Variants in POLE4 observed in about 807,000 individuals in gnomAD.
POLE4 encodes DNA polymerase epsilon 4, accessory subunit.
In POLE4, 15 loss-of-function variants were observed where a neutral mutation model predicts 15.6. That is an observed-to-expected ratio of 0.96 (90% CI 0.64 to 1.48). POLE4 has a LOEUF of 1.48. Ranked by LOEUF, POLE4 falls within the 40% of genes most tolerant of loss-of-function variation. The probability of loss-of-function intolerance (pLI) is 0.00; values close to 1 mark genes in which losing one functional copy is unlikely to be tolerated. For missense variants in POLE4, 205 were observed against 151.9 expected (o/e 1.35, Z -1.84); for synonymous variants, 83 against 63.2 (o/e 1.31, Z -1.49).
intron 3 of POLE4, 23 bp from the exon 4 acceptor site, chr2:74,969,386 C>A: frequency 6.2e-7 from 1 of 1,612,680 alleles, no homozygotes; most frequent in Non-Finnish European, 8.5e-7. Flanking sequence ...CCCTGATATA[C>A]TCATTGCTCT....
At position 74,958,754 on chromosome 2, in the gene POLE4, G is replaced by A. The variant is rs1218150080; in HGVS notation, c.75G>A (p.Ser25=). ...EEGPAGEAAA[S]QPQAPTSVPG... is the part of the protein sequence containing the mutation. ...GACCTGCTGGGGAGGCAGCGGCCTC[G>A]CAGCCCCAGGCCCCAACGAGTGTGC... Residue 25 remains serine, a synonymous_variant, in exon 1 of 4, where the codon TCG becomes TCA. Transcript: ENST00000483063. The A allele has an allele frequency of 1.3e-6, 2 of 1,528,684 alleles. No individual in the cohort carries two copies. The highest frequency in any genetic ancestry group is 1.8e-6 in the Non-Finnish European group (2 of 1,137,982). 94.7% of individuals were successfully genotyped at this position (1,528,684 alleles called of 1,614,324 possible). A position where few individuals can be genotyped will look rare whatever the true frequency, so the allele number is the denominator to read the frequency against.
At chr2:74,962,281 A>G (rs1351677423) in intron 3 of POLE4, among the ~76,000 whole-genome samples, 1 of 152,088 alleles carries the variant, frequency 6.6e-6, no homozygotes, top group African/African-American at 2.4e-5. Context: ...TTGACTCCCC[A>G]GTTTGTAAAG....
intron 3 of POLE4, among the ~76,000 whole-genome samples, chr2:74,963,235 T>G (rs1176992506): frequency 6.6e-6 from 1 of 152,230 alleles, no homozygotes; most frequent in Non-Finnish European, 1.5e-5. Context: ...TTCACGTTCC[T>G]ACCAGCAGTG....
intron 2 of POLE4, chr2:74,959,677 C>G (rs1671187318): frequency 2.3e-6 from 1 of 436,020 alleles, no homozygotes; most frequent in South Asian, 4.2e-5. Flanking sequence ...CCAAATTGCA[C>G]CAGAAAAAGA....
At chr2:74,968,682 G>A (rs1034792614) in intron 3 of POLE4, among the ~76,000 whole-genome samples, 10 of 150,512 alleles carry the variant, frequency 6.6e-5, no homozygotes, top group African/African-American at 2.5e-4. Flanking sequence ...TGTCCTGCCT[G>A]TGGGGAGGGT....
At chr2:74,959,479 C>A in intron 2 of POLE4, 54 bp downstream of exon 2, 1 of 1,175,498 alleles carries the variant, frequency 8.5e-7, no homozygotes, top group Non-Finnish European at 1.3e-6. Context: ...GGGCTGGTTT[C>A]CCCTTGTGCA....
At chr2:74,968,705 G>A (rs1412595793) in intron 3 of POLE4, among the ~76,000 whole-genome samples, 1 of 151,258 alleles carries the variant, frequency 6.6e-6, no homozygotes, top group Admixed American at 6.6e-5. Context: ...TGGGGAGATA[G>A]GGGCAACTGT....
intron 3 of POLE4, among the ~76,000 whole-genome samples, chr2:74,964,705 T>G (rs533424490): frequency 1.3e-5 from 2 of 152,292 alleles, no homozygotes; most frequent in East Asian, 3.9e-4. Flanking sequence ...TTAAAAATTT[T>G]GTTTTGATGT....
intron 3 of POLE4, among the ~76,000 whole-genome samples, chr2:74,961,937 A>G (rs1395003535): frequency 1.3e-5 from 2 of 152,182 alleles, no homozygotes; most frequent in Admixed American, 1.3e-4. Context: ...TTTATAATAC[A>G]TATCCATACT....
intron 3 of POLE4, among the ~76,000 whole-genome samples, chr2:74,963,653 A>G (rs904155293): frequency 6.6e-6 from 1 of 151,768 alleles, no homozygotes; most frequent in Admixed American, 6.6e-5. Context: ...ACGCCTGGCT[A>G]ATTTTGGCAT....
chr2:74,966,592 A>G (rs1671299538), intron 3 of POLE4, among the ~76,000 whole-genome samples: 1 of 152,174 alleles, frequency 6.6e-6, no homozygotes, highest in East Asian at 1.9e-4. Context: ...TTTAGTAGAG[A>G]TGGGGTTTCA....
chr2:74,959,998 C>T, intron 2 of POLE4, 107 bp from the exon 3 acceptor site: 1 of 827,738 alleles, frequency 1.2e-6, no homozygotes, highest in Non-Finnish European at 2.1e-6. Flanking sequence ...CTTATAAATG[C>T]CCTCATTTGC....
rs1671173117 is a variant in POLE4, at chr2:74,959,066, C to T, written c.213+174C>T. 4.7e-6 allele frequency: 3 copies of T among 634,444 alleles called. No individual in the cohort carries two copies. The South Asian group carries it at 5.8e-5, about 12-fold the overall frequency. 39.3% of individuals were successfully genotyped at this position (634,444 alleles called of 1,614,324 possible). On this transcript the variant is annotated intron_variant, in intron 1 of 3. Transcript: ENST00000483063. ...GACCTGTGCGAGTTTTGTTAACACT[C>T]CTCCCTCTTGTTGAGGACCTGGATA...
Position 74,958,816 on chromosome 2 carries a change from T to C in POLE4, c.137T>C (p.Val46Ala). ...ARLSRLPLAR[V>A]KALVKADPDV... Reference sequence around the variant, plus strand: ...CTCTCGAGGTTGCCTCTGGCGCGAGTGAAGGCCTTGGTGAAGGCAGATCCC... The same window carrying C: ...CTCTCGAGGTTGCCTCTGGCGCGAGCGAAGGCCTTGGTGAAGGCAGATCCC... Residue 46 changes from valine (V) to alanine (A), a missense_variant, in exon 1 of 4, where the codon GTG (valine) becomes GCG (alanine). By Grantham distance (64) the Val-to-Ala change is moderately conservative (BLOSUM62 0). Transcript: ENST00000483063. The C allele has an allele frequency of 6.4e-7, 1 of 1,556,294 alleles. No individual in the cohort carries two copies. The highest frequency in any genetic ancestry group is 8.7e-7 in the Non-Finnish European group (1 of 1,150,308).
intron 3 of POLE4, among the ~76,000 whole-genome samples, chr2:74,967,397 G>T (rs1671312105): frequency 6.8e-6 from 1 of 146,198 alleles, no homozygotes; most frequent in African/African-American, 2.5e-5. Flanking sequence ...CAAATCTGTT[G>T]TCTTTTTTTT....
At chr2:74,967,299 C>T (rs1212505295) in intron 3 of POLE4, among the ~76,000 whole-genome samples, 1 of 151,154 alleles carries the variant, frequency 6.6e-6, no homozygotes, top group East Asian at 1.9e-4. Flanking sequence ...CCATTTGTCT[C>T]ATTTCCTTTA....
intron 3 of POLE4, 123 bp downstream of exon 3, chr2:74,960,269 A>G (rs768299485): frequency 6.0e-6 from 5 of 832,106 alleles, no homozygotes; most frequent in East Asian, 2.4e-5. Context: ...CGCACTTGCT[A>G]TTAGGATAGA....
rs192521357 is a variant in POLE4, at chr2:74,966,438, G to A, written c.341-2971G>A. Among the ~76,000 whole-genome samples the A allele has an allele frequency of 1.7e-3, 262 of 152,108 alleles. 1 individual carries two copies. Among genetic ancestry groups the A allele is most frequent in the African/African-American group, 6.0e-3 (249 of 41,488 alleles). Reference sequence around the variant, plus strand: ...ATTATTTTTGAGACAGTTTCATTTCGTCACCCAGGCTGGAGTGCAGTGGTG... The same window carrying A: ...ATTATTTTTGAGACAGTTTCATTTCATCACCCAGGCTGGAGTGCAGTGGTG... On this transcript the variant is annotated intron_variant, in intron 3 of 3. Coordinates refer to ENST00000483063, the MANE Select transcript of POLE4 (RefSeq NM_019896.4).
intron 3 of POLE4, among the ~76,000 whole-genome samples, chr2:74,965,472 G>T (rs1671282683): frequency 6.6e-6 from 1 of 152,168 alleles, no homozygotes; most frequent in African/African-American, 2.4e-5. Context: ...ATATTTGATG[G>T]AATTCAGTGA....
Sources: allele counts gnomAD v4.1 joint callset (sites outside exome capture counted in the v4.1 genomes callset), GRCh38; gene constraint gnomAD v4.1.1; transcripts MANE v1.5; gene names NCBI Gene and HGNC (gene_info 2026-07-23, HGNC 2026-07-21).